Variants in TAPT1 observed in about 807,000 individuals in gnomAD.
TAPT1 encodes the protein transmembrane anterior posterior transformation 1, also known as transmembrane anterior posterior transformation protein 1 homolog.
A neutral mutation model predicts 65.6 loss-of-function variants in TAPT1; 28 were observed. That is an observed-to-expected ratio of 0.43 (90% confidence interval 0.32 to 0.59). TAPT1 has a LOEUF of 0.59. Ranked by LOEUF, TAPT1 falls within the 20% of genes least tolerant of loss-of-function variation. The pLI is 0.09. For missense variants in TAPT1, 563 were observed against 679.9 expected (o/e 0.83, Z 1.91); for synonymous variants, 278 against 245.2 (o/e 1.13, Z -1.25).
chr4:16,201,052 T>C (rs564359986), intron 3 of TAPT1, among the ~76,000 whole-genome samples: 2 of 152,354 alleles, frequency 1.3e-5, no homozygotes, highest in African/African-American at 2.4e-5. Context: ...TTACAGAATA[T>C]AGCATATAAC....
rs1747324617 is a variant in TAPT1, at chr4:16,162,550, G to A, written c.*758C>T. ...CTGCTCTGCTTCCTTGGTGTAAAAA[G>A]TGCCCTTTTGTAAGGAAATTTGTTT... On this transcript the variant is annotated 3_prime_UTR_variant, in exon 14 of 14. Coordinates refer to ENST00000405303, the MANE Select transcript of TAPT1 (RefSeq NM_153365.3). 1 of 134,914 alleles carries A rather than the reference G, an allele frequency of 7.4e-6. No individual in the cohort carries two copies. Among genetic ancestry groups the A allele is most frequent in the Admixed American group, 7.1e-5 (1 of 14,162 alleles). 8.4% of individuals were successfully genotyped at this position (134,914 alleles called of 1,614,324 possible).
chr4:16,219,793 A>C (rs904688117), intron 1 of TAPT1, among the ~76,000 whole-genome samples: 5 of 152,214 alleles, frequency 3.3e-5, no homozygotes, highest in Non-Finnish European at 7.3e-5. Context: ...TATTATGAAA[A>C]AACTGAGGTT....
In TAPT1 at chr4:16,188,346, G is replaced by A. The variant is rs750353463; in HGVS notation, c.622C>T (p.Arg208Cys). Residue 208 changes from arginine (R) to cysteine (C), a missense_variant, in exon 5 of 14, where the codon CGT (arginine) becomes TGT (cysteine). Transcript: ENST00000405303. ...TCTTGTCCAAAAGATGAAAACAGAC[G>A]ATCAGCTACCTAAAAAAAAAAATTA... ...IIYNMLEVAD[R>C]LFSSFGQDIL... The A allele has an allele frequency of 1.9e-6, 3 of 1,574,552 alleles. No homozygotes were observed. Among genetic ancestry groups the A allele is most frequent in the South Asian group, 1.2e-5 (1 of 82,574 alleles).
chr4:16,227,043 C>CCGTG (rs1560199319), upstream of TAPT1: 2 of 454,416 alleles, frequency 4.4e-6, no homozygotes, highest in South Asian at 3.1e-5. Flanking sequence ...CGAGCGCCGG[C>CCGTG]CCTGCCTGCC....
At chr4:16,166,991 CTTTTT>C (rs5856341) in intron 12 of TAPT1, 198 bp from the exon 13 acceptor site, 169 of 160,464 alleles carry the variant, frequency 1.1e-3, no homozygotes, top group East Asian at 3.0e-3. Flanking sequence ...CCTTAGTTCT[CTTTTT>C]TTTTTTTTTT....
rs190162430 is a variant in TAPT1, at chr4:16,200,211, C to T, written c.449+2251G>A. 6.6e-5 allele frequency among the ~76,000 whole-genome samples: 10 copies of T among 152,280 alleles called. No homozygotes were observed. In the East Asian group the frequency reaches 1.9e-3, roughly 29 times the overall value. On this transcript the variant is annotated intron_variant, in intron 3 of 13. Transcript: ENST00000405303. The stretch of plus-strand genomic sequence containing the variant: ...AAGAACATGACATGTCTTTAAAAGC[C>T]GTCCACATAAAGATGGCTAGAACAT...
intron 2 of TAPT1, among the ~76,000 whole-genome samples, chr4:16,207,509 A>G (rs1288820822): frequency 2.0e-5 from 3 of 152,206 alleles, no homozygotes; most frequent in Non-Finnish European, 4.4e-5. Context: ...AAATCTTTCC[A>G]TCTACCCTCA....
chr4:16,182,163 GA>G (rs1366426707), intron 7 of TAPT1, among the ~76,000 whole-genome samples: 1 of 152,036 alleles, frequency 6.6e-6, no homozygotes, highest in Non-Finnish European at 1.5e-5. Context: ...ATAAAATCAA[GA>G]TTTGACTTTT....
At chr4:16,192,843 T>G (rs1489148242) in intron 3 of TAPT1, among the ~76,000 whole-genome samples, 1 of 152,154 alleles carries the variant, frequency 6.6e-6, no homozygotes, top group African/African-American at 2.4e-5. Flanking sequence ...AATACAGGGG[T>G]GGGCTCATTT....
chr4:16,208,236 T>C (rs888059659), intron 2 of TAPT1, among the ~76,000 whole-genome samples: 2 of 152,248 alleles, frequency 1.3e-5, no homozygotes, highest in Non-Finnish European at 1.5e-5. Flanking sequence ...TGGAAGGATC[T>C]TGAGCTCTCC....
At chr4:16,222,196 T>C (rs1445004733) in intron 1 of TAPT1, among the ~76,000 whole-genome samples, 1 of 152,214 alleles carries the variant, frequency 6.6e-6, no homozygotes, top group Non-Finnish European at 1.5e-5. Context: ...ACAAATGAGC[T>C]GCTAGGATTG....
intron 1 of TAPT1, among the ~76,000 whole-genome samples, chr4:16,215,506 C>T (rs972160103): frequency 6.6e-6 from 1 of 152,124 alleles, no homozygotes; most frequent in African/African-American, 2.4e-5. Context: ...TACACATACA[C>T]ACTTCTTTAA....
intron 2 of TAPT1, among the ~76,000 whole-genome samples, chr4:16,203,304 G>A (rs1344448606): frequency 1.3e-5 from 2 of 152,180 alleles, no homozygotes; most frequent in African/African-American, 2.4e-5. Context: ...TGATACATAT[G>A]CCCTCACCAC....
At chr4:16,213,947 G>A in intron 1 of TAPT1, 49 bp from the exon 2 acceptor site, 2 of 1,521,410 alleles carry the variant, frequency 1.3e-6, no homozygotes, top group East Asian at 2.4e-5. Context: ...ATTTATCAAG[G>A]AACTTCCACG....
chr4:16,197,591 A>G (rs146564136), intron 3 of TAPT1, among the ~76,000 whole-genome samples: 49 of 152,350 alleles, frequency 3.2e-4, no homozygotes, highest in African/African-American at 1.1e-3. Context: ...ATTTGGAAAA[A>G]GGATGTTTCG....
chr4:16,222,313 T>A (rs901776808), intron 1 of TAPT1, among the ~76,000 whole-genome samples: 2 of 152,248 alleles, frequency 1.3e-5, no homozygotes, highest in Non-Finnish European at 2.9e-5. Context: ...TTGGTCTATA[T>A]ATACTAATTA....
chr4:16,203,865 T>C (rs1259094576), intron 2 of TAPT1, among the ~76,000 whole-genome samples: 1 of 152,240 alleles, frequency 6.6e-6, no homozygotes, highest in Admixed American at 6.5e-5. Flanking sequence ...CTCAAAAATA[T>C]GCTACACATA....
At chr4:16,180,952 G>C (rs1378637961) in intron 7 of TAPT1, among the ~76,000 whole-genome samples, 1 of 152,210 alleles carries the variant, frequency 6.6e-6, no homozygotes, top group Non-Finnish European at 1.5e-5. Flanking sequence ...GCACTGAGAT[G>C]CCTCTTTAGG....
At chr4:16,192,229 G>A (rs774995666) in intron 3 of TAPT1, among the ~76,000 whole-genome samples, 1 of 152,228 alleles carries the variant, frequency 6.6e-6, no homozygotes, top group South Asian at 2.1e-4. Flanking sequence ...AACTAGCAAT[G>A]TCATGAGAAA....
Sources: allele counts gnomAD v4.1 joint callset (sites outside exome capture counted in the v4.1 genomes callset), GRCh38; gene constraint gnomAD v4.1.1; transcripts MANE v1.5; gene names NCBI Gene and HGNC (gene_info 2026-07-23, HGNC 2026-07-21).